The following STIM1 variants were observed in gnomAD, a reference collection of about 807,000 sequenced individuals.
The protein encoded by STIM1 is stromal interaction molecule 1.
Under a neutral mutation model 74.7 loss-of-function variants are expected in STIM1, and 25 were observed. The observed-to-expected ratio is 0.33, with a 90% CI of 0.24 to 0.47. STIM1 has a LOEUF of 0.47. Among genes scored for constraint, STIM1 ranks in the 20% least tolerant of loss-of-function variants. The probability of loss-of-function intolerance (pLI) is 1.00; values close to 1 mark genes in which losing one functional copy is unlikely to be tolerated. For synonymous variants in STIM1, 328 were observed against 348.8 expected (o/e 0.94, Z 0.66); for missense variants, 728 against 920.8 (o/e 0.79, Z 2.71).
At chr11:3,919,237 C>A (rs541367742) in intron 1 of STIM1, among the ~76,000 whole-genome samples, 5 of 152,190 alleles carry the variant, frequency 3.3e-5, no homozygotes, top group Admixed American at 3.3e-4. Flanking sequence ...TGGAGTTTCG[C>A]TCTTACTGCC....
intron 1 of STIM1, among the ~76,000 whole-genome samples, chr11:3,936,416 G>C (rs1033941268): frequency 6.6e-6 from 1 of 152,188 alleles, no homozygotes; most frequent in South Asian, 2.1e-4. Flanking sequence ...GATAGGCAGT[G>C]GGGAGGAATG....
rs1396420666 is a variant in STIM1, at chr11:3,868,259, T to C, written c.139+11850T>C. ...GAGATAAATATGTAATTAAGACAAC[T>C]GAAATAACTTCGATGGTAAGAATGA... On this transcript the variant is annotated intron_variant, in intron 1 of 12. Transcript: ENST00000526596. The C allele has an allele frequency of 2.0e-5, 3 of 152,248 alleles. No individual in the cohort carries two copies. In the East Asian group the frequency reaches 5.8e-4, roughly 29 times the overall value. 9.4% of individuals were successfully genotyped at this position (152,248 alleles called of 1,614,324 possible).
chr11:3,899,198 G>A (rs2135424070), intron 1 of STIM1, among the ~76,000 whole-genome samples: 1 of 152,254 alleles, frequency 6.6e-6, no homozygotes. Flanking sequence ...TCACTGAGCA[G>A]TGGTTTGTAG....
intron 1 of STIM1, among the ~76,000 whole-genome samples, chr11:3,931,418 A>G (rs1417942532): frequency 1.3e-5 from 2 of 152,152 alleles, no homozygotes; most frequent in African/African-American, 4.8e-5. Context: ...CTCAGTAAGG[A>G]GTAGTGATGT....
chr11:4,089,026 G>C, intron 12 of STIM1: 1 of 330,288 alleles, frequency 3.0e-6, no homozygotes, highest in South Asian at 3.4e-5. Flanking sequence ...AAGCCCAGGA[G>C]TTTGAGACCA....
chr11:3,931,909 A>G (rs1180344974), intron 1 of STIM1, among the ~76,000 whole-genome samples: 1 of 152,118 alleles, frequency 6.6e-6, no homozygotes, highest in Non-Finnish European at 1.5e-5. Flanking sequence ...CAGGGGATTG[A>G]GGCCCTGGGT....
chr11:3,872,951 CT>C (rs1246762993), intron 1 of STIM1, among the ~76,000 whole-genome samples: 1,499 of 140,926 alleles, frequency 0.011, 18 homozygotes, highest in African/African-American at 0.029. Flanking sequence ...GTTACTCCCA[CT>C]TTTTTTTTTT....
chr11:4,084,721 C>T lies in STIM1; in HGVS notation c.1523C>T (p.Ser508Phe). The part of the protein sequence containing the change: ...GRRFSDRSLC[S>F]TSAGSDDQSL... ...AGGTTCAGTGACCGCTCTCTCTGCT[C>T]TACATCCGCCGGCTCGGATGATCAG... The change falls in exon 11 of 13, where the codon TCT becomes TTT. Residue 508 changes from serine to phenylalanine, a missense_variant. Physicochemically the swap from Ser to Phe is radical, Grantham distance 155 (BLOSUM62 -2). Around this residue, in one of 5 missense-constraint regions of STIM1, gnomAD observed 352 missense variants for 370.1 expected, o/e 0.95. Transcript: ENST00000526596. 15 of 1,289,462 alleles carry T rather than the reference C, an allele frequency of 1.2e-5. No individual in the cohort carries two copies. The highest frequency in any genetic ancestry group is 1.3e-5 in the Non-Finnish European group (13 of 988,882). 79.9% of individuals were successfully genotyped at this position (1,289,462 alleles called of 1,614,324 possible).
intron 1 of STIM1, among the ~76,000 whole-genome samples, chr11:3,957,940 A>G (rs1455249143): frequency 6.6e-6 from 1 of 151,700 alleles, no homozygotes. Flanking sequence ...GTCTTGACTC[A>G]CTGCAACCTC....
At chr11:4,011,308 T>C (rs1041414000) in intron 2 of STIM1, among the ~76,000 whole-genome samples, 7 of 152,232 alleles carry the variant, frequency 4.6e-5, no homozygotes, top group Non-Finnish European at 1.0e-4. Flanking sequence ...TCTTCCACAA[T>C]GGTTGAACTA....
intron 1 of STIM1, among the ~76,000 whole-genome samples, chr11:3,933,780 G>A (rs1029473116): frequency 6.6e-6 from 1 of 152,178 alleles, no homozygotes; most frequent in African/African-American, 2.4e-5. Flanking sequence ...TAAAGAGTAA[G>A]TTAGCTCTAA....
At chr11:3,912,101 T>C (rs953955072) in intron 1 of STIM1, among the ~76,000 whole-genome samples, 8 of 151,406 alleles carry the variant, frequency 5.3e-5, no homozygotes, top group Non-Finnish European at 1.0e-4. Flanking sequence ...TTCCATTCCC[T>C]TCTCCTTTCC....
chr11:4,033,821 G>A (rs111707386), intron 3 of STIM1, among the ~76,000 whole-genome samples: 6 of 151,462 alleles, frequency 4.0e-5, no homozygotes, highest in African/African-American at 2.4e-5. Context: ...GGATGGTCTC[G>A]ATCTCCTGAC....
At chr11:3,923,120 C>T (rs927467791) in intron 1 of STIM1, among the ~76,000 whole-genome samples, 2 of 149,328 alleles carry the variant, frequency 1.3e-5, no homozygotes, top group East Asian at 2.0e-4. Flanking sequence ...AAAAAACAAA[C>T]ACTCTTTGCC....
intron 1 of STIM1, among the ~76,000 whole-genome samples, chr11:3,870,232 C>G (rs2091031526): frequency 6.6e-6 from 1 of 152,152 alleles, no homozygotes. Context: ...GTCTGAGAAC[C>G]CAAGTCTCTT....
chr11:4,056,053 T>C lies in STIM1; in HGVS notation c.497+416T>C, dbSNP rs550039390. On this transcript the variant is annotated intron_variant, in intron 4 of 12. Coordinates refer to ENST00000526596, the MANE Select transcript of STIM1 (RefSeq NM_001382567.1). ...AGGGGCAAAACTGAGATTTGAATCT[T>C]GGTGTACATCAAACCCTGTTGGTGT... Among the ~76,000 whole-genome samples, 3 of 152,370 alleles carry C rather than the reference T, an allele frequency of 2.0e-5. No homozygotes were observed. The South Asian group carries it at 6.2e-4, about 32-fold the overall frequency.
At chr11:3,974,136 G>T in intron 2 of STIM1, 1 of 652,040 alleles carries the variant, frequency 1.5e-6, no homozygotes, top group Non-Finnish European at 2.8e-6. Context: ...CTGTTGCTCA[G>T]AATGGCTCAT....
intron 1 of STIM1, among the ~76,000 whole-genome samples, chr11:3,899,063 G>A (rs937161380): frequency 1.2e-3 from 183 of 152,284 alleles, no homozygotes; most frequent in African/African-American, 4.0e-3. Context: ...AAAGTCATTG[G>A]TAGTTTGATG....
chr11:4,081,209 C>G (rs1268488393), intron 7 of STIM1, among the ~76,000 whole-genome samples: 1 of 152,180 alleles, frequency 6.6e-6, no homozygotes, highest in Admixed American at 6.5e-5. Flanking sequence ...GGATTCTGTT[C>G]AGGTAGGAGA....
Sources: allele counts gnomAD v4.1 joint callset (sites outside exome capture counted in the v4.1 genomes callset), GRCh38; gene constraint gnomAD v4.1.1; regional missense constraint gnomAD v4.1.1; transcripts MANE v1.5; gene names NCBI Gene and HGNC (gene_info 2026-07-23, HGNC 2026-07-21).